Variants in KIF21A observed in about 807,000 individuals in gnomAD.
KIF21A encodes kinesin family member 21A.
KIF21A carries 114 observed loss-of-function variants against 202.9 expected under a neutral mutation model. The ratio of observed to expected loss-of-function variants is 0.56; its 90% CI spans 0.48 to 0.66. The LOEUF is 0.66. Ranked by LOEUF, KIF21A falls within the 30% of genes least tolerant of loss-of-function variation. The pLI is 0.00. For synonymous variants in KIF21A, 667 were observed against 670.8 expected, an observed-to-expected ratio of 0.99 and a Z score of 0.09; for missense variants, 1,677 against 1,994.9, an observed-to-expected ratio of 0.84 and a Z score of 3.04.
chr12:39,417,777 A>T (rs1280045881), intron 1 of KIF21A, among the ~76,000 whole-genome samples: 1 of 151,904 alleles, frequency 6.6e-6, no homozygotes, highest in African/African-American at 2.4e-5. Context: ...GGGAATGGAA[A>T]ATATATATAT....
intron 24 of KIF21A, 54 bp downstream of exon 24, chr12:39,330,188 A>T: frequency 6.6e-7 from 1 of 1,513,972 alleles, no homozygotes; most frequent in Non-Finnish European, 9.2e-7. Flanking sequence ...AGTGTACATG[A>T]ACAATTAGTA....
At chr12:39,439,926 A>G (rs1939330760) in intron 1 of KIF21A, among the ~76,000 whole-genome samples, 1 of 152,128 alleles carries the variant, frequency 6.6e-6, no homozygotes, top group Non-Finnish European at 1.5e-5. Flanking sequence ...ATAAACCTCT[A>G]ATAAAACATA....
chr12:39,408,469 A>G (rs1181879489), intron 1 of KIF21A, among the ~76,000 whole-genome samples: 3 of 152,172 alleles, frequency 2.0e-5, no homozygotes, highest in Non-Finnish European at 4.4e-5. Flanking sequence ...GACTGTTACC[A>G]GTCTGTGGTC....
At chr12:39,406,537 C>A (rs971099156) in intron 1 of KIF21A, among the ~76,000 whole-genome samples, 8 of 152,216 alleles carry the variant, frequency 5.3e-5, no homozygotes, top group Admixed American at 5.2e-4. Context: ...TGTTCACTCC[C>A]TCCTGTGAAG....
At chr12:39,349,802 A>C (rs1388102191) in intron 11 of KIF21A, among the ~76,000 whole-genome samples, 1 of 152,058 alleles carries the variant, frequency 6.6e-6, no homozygotes, top group Admixed American at 6.6e-5. Flanking sequence ...AAATACTATA[A>C]ATTTTTATAT....
At chr12:39,340,460 C>A in intron 15 of KIF21A, 96 bp from the exon 16 acceptor site, 1 of 861,916 alleles carries the variant, frequency 1.2e-6, no homozygotes, top group Non-Finnish European at 1.8e-6. Context: ...AGAGCTACTT[C>A]CCAAACACCC....
chr12:39,436,658 A>T (rs117686494), intron 1 of KIF21A, among the ~76,000 whole-genome samples: 7,260 of 149,192 alleles, frequency 0.049, 209 homozygotes, highest in Middle Eastern at 0.077. Context: ...AAAAAGAACA[A>T]GGTAACCTCA....
intron 1 of KIF21A, among the ~76,000 whole-genome samples, chr12:39,380,335 A>G (rs779800889): frequency 6.6e-6 from 1 of 152,194 alleles, no homozygotes; most frequent in Non-Finnish European, 1.5e-5. Context: ...TGAAGTCAAT[A>G]TTGACCTAGA....
At chr12:39,419,064 G>A (rs1954020403) in intron 1 of KIF21A, among the ~76,000 whole-genome samples, 1 of 152,128 alleles carries the variant, frequency 6.6e-6, no homozygotes, top group African/African-American at 2.4e-5. Context: ...AGTAAATATA[G>A]TATTTGTTAA....
intron 10 of KIF21A, among the ~76,000 whole-genome samples, chr12:39,352,462 G>C (rs565290339): frequency 1.3e-5 from 2 of 151,982 alleles, no homozygotes; most frequent in African/African-American, 2.4e-5. Context: ...TTATATATTT[G>C]TAATCATAAT....
chr12:39,413,504 T>C (rs1448570880), intron 1 of KIF21A, among the ~76,000 whole-genome samples: 1 of 152,234 alleles, frequency 6.6e-6, no homozygotes, highest in Non-Finnish European at 1.5e-5. Context: ...CTCACTTCTT[T>C]ATTCTAAAAG....
At position 39,370,214 on chromosome 12, in the gene KIF21A, C is replaced by G. The variant is rs376379819; in HGVS notation, c.92G>C (p.Cys31Ser). ...AKEKIEGCHI[C>S]TSVTPGEPQV... ...AGGCTCTCCTGGTGTGACAGATGTA[C>G]AAATATGGCATCCTTCAATCTTCTC... Residue 31 changes from cysteine (C) to serine (S), a missense_variant, in exon 2 of 38, where the codon TGT (cysteine) becomes TCT (serine). Cys to Ser is a moderately radical substitution (Grantham distance 112). Transcript: ENST00000361418. 1 of 1,613,396 alleles carries G rather than the reference C, an allele frequency of 6.2e-7. No homozygotes were observed. Among genetic ancestry groups the G allele is most frequent in the Non-Finnish European group, 8.5e-7 (1 of 1,179,718 alleles).
At chr12:39,364,580 C>T (rs150421088) in intron 6 of KIF21A, among the ~76,000 whole-genome samples, 18 of 152,208 alleles carry the variant, frequency 1.2e-4, no homozygotes, top group African/African-American at 3.4e-4. Flanking sequence ...TCCCCATAGA[C>T]GGATCATAAT....
chr12:39,390,842 A>C (rs924794084), intron 1 of KIF21A, among the ~76,000 whole-genome samples: 7 of 152,154 alleles, frequency 4.6e-5, no homozygotes, highest in African/African-American at 1.7e-4. Flanking sequence ...TAATCCTAAG[A>C]AGTAGGTATT....
At chr12:39,301,942 A>G (rs2055539129) in intron 36 of KIF21A, among the ~76,000 whole-genome samples, 1 of 152,224 alleles carries the variant, frequency 6.6e-6, no homozygotes, top group South Asian at 2.1e-4. Context: ...CTGAAAATAC[A>G]TAGAACTTTC....
intron 1 of KIF21A, among the ~76,000 whole-genome samples, chr12:39,441,660 TAAAAAAAAAA>T (rs56245570): frequency 2.6e-5 from 1 of 37,790 alleles, no homozygotes; most frequent in African/African-American, 1.0e-4. Flanking sequence ...CCCTGGGTGG[TAAAAAAAAAA>T]AAAAAAAAAA....
At chr12:39,406,128 A>G (rs1313809972) in intron 1 of KIF21A, among the ~76,000 whole-genome samples, 1 of 152,110 alleles carries the variant, frequency 6.6e-6, no homozygotes, top group Non-Finnish European at 1.5e-5. Context: ...AAAAAAAATT[A>G]TTCTATTCTC....
intron 1 of KIF21A, among the ~76,000 whole-genome samples, chr12:39,378,048 C>T (rs547992325): frequency 3.0e-4 from 45 of 152,266 alleles, no homozygotes; most frequent in Non-Finnish European, 4.6e-4. Flanking sequence ...ATAGCTAATG[C>T]TTCTGGCTGC....
chr12:39,395,797 G>T (rs1433426693), intron 1 of KIF21A, among the ~76,000 whole-genome samples: 2 of 145,660 alleles, frequency 1.4e-5, no homozygotes, highest in African/African-American at 5.1e-5. Context: ...ATCCAAGATG[G>T]CACCACTGCA....
Sources: allele counts gnomAD v4.1 joint callset (sites outside exome capture counted in the v4.1 genomes callset), GRCh38; gene constraint gnomAD v4.1.1; transcripts MANE v1.5; gene names NCBI Gene and HGNC (gene_info 2026-07-23, HGNC 2026-07-21).